The following FANCA variants were observed in gnomAD, a reference collection of about 807,000 sequenced individuals.
The protein encoded by FANCA is FA complementation group A.
In FANCA, 236 loss-of-function variants were observed where a neutral mutation model predicts 194.3. The observed-to-expected ratio is 1.21, with a 90% CI of 1.09 to 1.35. The LOEUF is 1.35. Among genes scored for constraint, FANCA ranks in the 40% most tolerant of loss-of-function variants. The pLI is 0.00. For synonymous variants in FANCA, 1,014 were observed against 715.8 expected (o/e 1.42, Z -6.65); for missense variants, 2,628 against 1,813.9 (o/e 1.45, Z -8.15).
At chr16:89,738,833 T>C (rs759735114) in intron 42 of FANCA, 49 bp downstream of exon 42, 8 of 1,614,000 alleles carry the variant, frequency 5.0e-6, no homozygotes, top group Non-Finnish European at 5.9e-6. Flanking sequence ...CAGGCAGCTG[T>C]CAATTCTCAT....
At chr16:89,808,516 C>T (rs2040752840) in intron 5 of FANCA, 149 bp from the exon 6 acceptor site, 1 of 790,840 alleles carries the variant, frequency 1.3e-6, no homozygotes, top group Non-Finnish European at 2.1e-6. Context: ...AACTTAGAGC[C>T]TGAAACACAT....
chr16:89,751,739 G>A (rs547162643), intron 31 of FANCA, among the ~76,000 whole-genome samples: 4 of 152,040 alleles, frequency 2.6e-5, no homozygotes, highest in Non-Finnish European at 5.9e-5. Context: ...CCAAAGTACT[G>A]GGATTACAAG....
At position 89,764,985 on chromosome 16, in the gene FANCA, G is replaced by C. The variant is rs755207440; in HGVS notation, c.2683C>G (p.Pro895Ala). 1.2e-6 allele frequency: 2 copies of C among 1,614,234 alleles called. No homozygotes were observed. The highest frequency in any genetic ancestry group is 3.3e-5 in the Admixed American group (2 of 60,030). Residue 895 changes from proline (P) to alanine (A), a missense_variant, in exon 28 of 43, where the codon CCC becomes GCC. Transcript: ENST00000389301. ...EEDVASLSWR[P>A]LHLPSADWQR... is the part of the protein sequence containing the mutation. ...CAGTCTGCAGAAGGAAGGTGCAAGGGTCTCCAGGAAAGGCTGGCTACGTCC... is the reference window on the plus strand; with the variant it reads ...CAGTCTGCAGAAGGAAGGTGCAAGGCTCTCCAGGAAAGGCTGGCTACGTCC...
intron 3 of FANCA, among the ~76,000 whole-genome samples, chr16:89,813,566 G>A (rs537851203): frequency 6.6e-6 from 1 of 152,156 alleles, no homozygotes; most frequent in South Asian, 2.1e-4. Flanking sequence ...CTGAATAGCT[G>A]GGACTACAGG....
intron 31 of FANCA, among the ~76,000 whole-genome samples, chr16:89,751,177 G>A (rs1013380448): frequency 2.0e-5 from 3 of 152,114 alleles, no homozygotes; most frequent in Admixed American, 6.5e-5. Context: ...ACAGGCATAA[G>A]CCACCGTGCC....
chr16:89,744,635 C>T, intron 36 of FANCA: 5 of 382,610 alleles, frequency 1.3e-5, no homozygotes, highest in South Asian at 8.7e-5. Flanking sequence ...AGAGGCCGTT[C>T]CTCACTCAGA....
chr16:89,814,018 T>C (rs749955652), intron 3 of FANCA, among the ~76,000 whole-genome samples: 2 of 152,214 alleles, frequency 1.3e-5, no homozygotes, highest in Non-Finnish European at 2.9e-5. Context: ...TGACATTCAG[T>C]GACCAGTTGT....
At chr16:89,804,905 C>G (rs1376208511) in intron 7 of FANCA, among the ~76,000 whole-genome samples, 1 of 152,094 alleles carries the variant, frequency 6.6e-6, no homozygotes, top group African/African-American at 2.4e-5. Flanking sequence ...GGCATGGTGC[C>G]ACGTGCCTGC....
In FANCA at chr16:89,779,894, T is replaced by C. The variant is rs1032990637; in HGVS notation, c.1690A>G (p.Ile564Val). The C allele has an allele frequency of 1.9e-6, 3 of 1,613,984 alleles. No homozygotes were observed. Among genetic ancestry groups the C allele is most frequent in the African/African-American group, 2.7e-5 (2 of 75,064 alleles). ...CTGGCCTCCATGACGGTGACTGGGA[T>C]GTTCCCCGTATGCTCAAACACCATG... The part of the protein sequence containing the change: ...AIMVFEHTGN[I>V]PVTVMEASIF... The change falls in exon 18 of 43, where the codon ATC (isoleucine) becomes GTC (valine). Residue 564 changes from isoleucine to valine, a missense_variant. Physicochemically the swap from Ile to Val is conservative, Grantham distance 29. Coordinates refer to ENST00000389301, the MANE Select transcript of FANCA (RefSeq NM_000135.4).
chr16:89,792,594 G>A (rs1400357178), intron 11 of FANCA, 47 bp from the exon 12 acceptor site: 9 of 1,547,434 alleles, frequency 5.8e-6, no homozygotes, highest in Non-Finnish European at 7.8e-6. Context: ...AGATCAAAAA[G>A]TTGTGGGTTT....
rs764893807 is a variant in FANCA at position 89,811,038 on chromosome 16, C to G, written c.317G>C (p.Gly106Ala). The G allele has an allele frequency of 3.7e-5, 59 of 1,613,944 alleles. No individual in the cohort carries two copies. The South Asian group carries it at 4.4e-4, about 12-fold the overall frequency. Reference sequence around the variant, plus strand: ...GGCTGAGAGAATACCCACGGGAACCCCCAGCCTTGAGGCTTGATCCTGCAA... The same window carrying G: ...GGCTGAGAGAATACCCACGGGAACCGCCAGCCTTGAGGCTTGATCCTGCAA... ...SALQDQASRL[G>A]VPVGILSAGM... Residue 106 changes from glycine (G) to alanine (A), a missense_variant, in exon 4 of 43, where the codon GGG becomes GCG. By Grantham distance (60) the Gly-to-Ala change is moderately conservative. Coordinates refer to ENST00000389301, the MANE Select transcript of FANCA (RefSeq NM_000135.4).
At chr16:89,802,172 T>A (rs2040479437) in intron 8 of FANCA, among the ~76,000 whole-genome samples, 1 of 152,012 alleles carries the variant, frequency 6.6e-6, no homozygotes, top group Non-Finnish European at 1.5e-5. Flanking sequence ...GGCGCAATCT[T>A]GGCTCACTGC....
chr16:89,799,610 A>G lies in FANCA; in HGVS notation c.821T>C (p.Leu274Pro), dbSNP rs764838403. 6.2e-7 allele frequency: 1 copy of G among 1,613,610 alleles called. No homozygotes were observed. Among genetic ancestry groups the G allele is most frequent in the East Asian group, 2.2e-5 (1 of 44,884 alleles). ...CTGCAGTGCAATTAACTTACAAATC[A>G]GCATTCTCTGCAGTACATCAACCGT... ...QVTVDVLQRMLIFALDALAAG... is the reference protein window; with the variant it reads ...QVTVDVLQRMPIFALDALAAG... Residue 274 changes from leucine (L) to proline (P), a missense_variant, in exon 9 of 43, where the codon CTG (leucine) becomes CCG (proline). Physicochemically the swap from Leu to Pro is moderately conservative, Grantham distance 98. Transcript: ENST00000389301.
intron 15 of FANCA, among the ~76,000 whole-genome samples, chr16:89,783,857 G>A (rs936398757): frequency 6.6e-6 from 1 of 151,946 alleles, no homozygotes; most frequent in African/African-American, 2.4e-5. Flanking sequence ...TCCGCCTCCC[G>A]GGTTCAAGCA....
Position 89,738,076 on chromosome 16 carries a change from T to C in FANCA, c.*525A>G. 1 of 1,614,044 alleles carries C rather than the reference T, an allele frequency of 6.2e-7. No individual in the cohort carries two copies. Among genetic ancestry groups the C allele is most frequent in the East Asian group, 2.2e-5 (1 of 44,878 alleles). ...TGAGCTGGACTTTGCCTGTGACCAG[T>C]GTGGCCGGCGGTTTGAGAAGGCCCA... On this transcript the variant is annotated 3_prime_UTR_variant, in exon 43 of 43. Coordinates refer to ENST00000389301, the MANE Select transcript of FANCA (RefSeq NM_000135.4).
At chr16:89,783,415 G>T (rs1309156501) in intron 15 of FANCA, among the ~76,000 whole-genome samples, 2 of 151,958 alleles carry the variant, frequency 1.3e-5, no homozygotes, top group Non-Finnish European at 2.9e-5. Flanking sequence ...GCCGGGCGCG[G>T]TGGTGGGCAC....
Position 89,799,189 on chromosome 16 carries a change from G to A in FANCA, c.870C>T (p.Ser290=). The change falls in exon 10 of 43, where the codon TCC becomes TCT. Residue 290 remains serine (S), a synonymous_variant. Transcript: ENST00000389301. ...ACCAGCACCTCACGATCTTGTGAGTGGAGGACTCCTCCTGTACTCCAGCAG... is the reference window on the plus strand; with the variant it reads ...ACCAGCACCTCACGATCTTGTGAGTAGAGGACTCCTCCTGTACTCCAGCAG... ...ALAAGVQEES[S]THKIVRCWFG... is the part of the protein sequence containing the mutation. 6.2e-7 allele frequency: 1 copy of A among 1,614,162 alleles called. No homozygotes were observed. The highest frequency in any genetic ancestry group is 8.5e-7 in the Non-Finnish European group (1 of 1,180,036).
chr16:89,798,755 G>A (rs779132202), intron 10 of FANCA: 297 of 1,373,314 alleles, frequency 2.2e-4, no homozygotes, highest in Non-Finnish European at 2.7e-4. Context: ...GCCAGGCAGC[G>A]GGAGTCTGTA....
At chr16:89,778,871 T>C (rs763569030) in intron 19 of FANCA, 21 bp from the exon 20 acceptor site, 4 of 1,612,392 alleles carry the variant, frequency 2.5e-6, no homozygotes, top group Non-Finnish European at 1.7e-6. Flanking sequence ...AGAAGAGACC[T>C]GTGAGAGACT....
Sources: allele counts gnomAD v4.1 joint callset (sites outside exome capture counted in the v4.1 genomes callset), GRCh38; gene constraint gnomAD v4.1.1; transcripts MANE v1.5; gene names NCBI Gene and HGNC (gene_info 2026-07-23, HGNC 2026-07-21).